Variants in SEMA3A observed in about 807,000 individuals in gnomAD.
The protein encoded by SEMA3A is semaphorin 3A, also known as semaphorin-3A.
SEMA3A carries 29 observed loss-of-function variants against 97.9 expected under a neutral mutation model. That is an observed-to-expected ratio of 0.30 (90% CI 0.22 to 0.40). SEMA3A has a LOEUF of 0.40. Ranked by LOEUF, SEMA3A falls within the 10% of genes least tolerant of loss-of-function variation. The pLI is 1.00. For missense variants in SEMA3A, 763 were observed against 951.3 expected (o/e 0.80, Z 2.60); for synonymous variants, 321 against 323.7 (o/e 0.99, Z 0.09).
chr7:84,031,000 T>TTG (rs1562984694), intron 6 of SEMA3A, among the ~76,000 whole-genome samples: 43 of 144,848 alleles, frequency 3.0e-4, no homozygotes, highest in African/African-American at 1.0e-3. Context: ...TTTTTTTTTT[T>TTG]TTTTTTTTTT....
At chr7:84,094,771 C>T (rs540769802) in intron 4 of SEMA3A, among the ~76,000 whole-genome samples, 1 of 152,090 alleles carries the variant, frequency 6.6e-6, no homozygotes, top group East Asian at 1.9e-4. Flanking sequence ...ATTAATTGCC[C>T]GTTGAAATAT....
At chr7:83,985,972 G>C (rs563298644) in intron 12 of SEMA3A, among the ~76,000 whole-genome samples, 2 of 152,318 alleles carry the variant, frequency 1.3e-5, no homozygotes, top group African/African-American at 4.8e-5. Context: ...AATAACTTGC[G>C]ATAAGCAGGA....
intron 4 of SEMA3A, 37 bp from the exon 5 acceptor site, chr7:84,060,595 TTA>T: frequency 7.2e-7 from 1 of 1,395,880 alleles, no homozygotes; most frequent in Non-Finnish European, 9.7e-7. Context: ...AGGGTTTCCT[TTA>T]TATATAAAAA....
At chr7:84,345,003 A>G (rs2116001592) in intron 2 of SEMA3A, among the ~76,000 whole-genome samples, 1 of 152,302 alleles carries the variant, frequency 6.6e-6, no homozygotes, top group East Asian at 1.9e-4. Flanking sequence ...CTATTTAAAC[A>G]GTGTCTAAAA....
intron 1 of SEMA3A, among the ~76,000 whole-genome samples, chr7:84,395,344 C>G (rs1803698304): frequency 7.4e-6 from 1 of 134,308 alleles, no homozygotes; most frequent in African/African-American, 3.2e-5. Context: ...AGATACAAAT[C>G]AAGAAACCCA....
At chr7:84,253,800 A>T (rs1367711995) in intron 3 of SEMA3A, among the ~76,000 whole-genome samples, 1 of 152,164 alleles carries the variant, frequency 6.6e-6, no homozygotes. Context: ...TCTGGGCAGC[A>T]TTAGGACCTG....
At position 84,229,978 on chromosome 7, in the gene SEMA3A, A is replaced by AC. The variant is rs578185073; in HGVS notation, c.-82-35311dup. 7.1e-3 allele frequency among the ~76,000 whole-genome samples: 1,070 copies of AC among 151,552 alleles called. 10 individuals carry two copies. The highest frequency in any genetic ancestry group is 9.6e-3 in the Non-Finnish European group (649 of 67,810). On this transcript the variant is annotated intron_variant, in intron 3 of 3. Transcript: ENST00000424555. ...ATTAACTGGGACTGGCTCTGATCTT[A>AC]CCCCCCCTTTACTCTACTCAGTTCT... is the stretch of plus-strand genomic sequence containing the variant.
chr7:84,460,634 T>A (rs566787883), intron 1 of SEMA3A, among the ~76,000 whole-genome samples: 1 of 152,360 alleles, frequency 6.6e-6, no homozygotes, highest in South Asian at 2.1e-4. Flanking sequence ...TGATTGTCCA[T>A]AACCTGGAAA....
chr7:83,990,011 T>C (rs1287808246), intron 12 of SEMA3A, among the ~76,000 whole-genome samples: 1 of 152,086 alleles, frequency 6.6e-6, no homozygotes, highest in Non-Finnish European at 1.5e-5. Context: ...ATTGTCATTC[T>C]AACTGGTGTG....
At chr7:84,021,692 G>T (rs1281575094) in intron 6 of SEMA3A, among the ~76,000 whole-genome samples, 1 of 151,658 alleles carries the variant, frequency 6.6e-6, no homozygotes, top group East Asian at 1.9e-4. Flanking sequence ...TTTCTTTCTT[G>T]CTAAGCATAA....
intron 1 of SEMA3A, among the ~76,000 whole-genome samples, chr7:84,481,154 G>C (rs1050650126): frequency 2.6e-5 from 4 of 152,080 alleles, no homozygotes; most frequent in Non-Finnish European, 4.4e-5. Flanking sequence ...AGCTCCAAAG[G>C]CTTCTAAGTA....
chr7:83,998,172 C>T (rs2116375331), intron 12 of SEMA3A, among the ~76,000 whole-genome samples: 1 of 151,798 alleles, frequency 6.6e-6, no homozygotes, highest in African/African-American at 2.4e-5. Context: ...GGGTTGATGA[C>T]AGAGATACAT....
At position 84,099,272 on chromosome 7, in the gene SEMA3A, G is replaced by A. The variant is rs975973584; in HGVS notation, c.453+11198C>T. 1.0e-4 allele frequency among the ~76,000 whole-genome samples: 6 copies of A among 59,752 alleles called. 2 individuals carry two copies. In the Admixed American group the frequency reaches 1.0e-3, roughly 10 times the overall value. The allele number at this position is 59,752 out of a possible 152,430, so 39.2% of individuals were successfully genotyped here. A position where few individuals can be genotyped will look rare whatever the true frequency, so the allele number is the denominator to read the frequency against. On this transcript the variant is annotated intron_variant, in intron 4 of 16. Coordinates refer to ENST00000265362, the MANE Select transcript of SEMA3A (RefSeq NM_006080.3). ...TTTTTAGTAGAGACGGTGTTTCACC[G>A]TGTTAGCCAGGATGGTCTCGATCTC...
At chr7:84,160,135 T>G (rs1263576981) in intron 1 of SEMA3A, among the ~76,000 whole-genome samples, 1 of 152,104 alleles carries the variant, frequency 6.6e-6, no homozygotes, top group Non-Finnish European at 1.5e-5. Context: ...GATTCCACAT[T>G]TATCCTCATT....
intron 3 of SEMA3A, among the ~76,000 whole-genome samples, chr7:84,217,306 T>C (rs560574606): frequency 6.6e-6 from 1 of 152,258 alleles, no homozygotes; most frequent in South Asian, 2.1e-4. Flanking sequence ...ATTTCCAGGA[T>C]AGAAGAAATC....
intron 1 of SEMA3A, among the ~76,000 whole-genome samples, chr7:84,142,857 G>C (rs752882837): frequency 7.9e-5 from 12 of 152,038 alleles, no homozygotes; most frequent in Non-Finnish European, 1.8e-4. Flanking sequence ...CTCAGAGTCC[G>C]CATGACTTAA....
At chr7:84,068,169 A>T (rs1476308733) in intron 4 of SEMA3A, among the ~76,000 whole-genome samples, 1 of 144,054 alleles carries the variant, frequency 6.9e-6, no homozygotes, top group African/African-American at 2.7e-5. Flanking sequence ...AAACTATCGC[A>T]AGAACAAAAA....
chr7:84,444,458 CAAAT>C (rs1177548042), intron 1 of SEMA3A, among the ~76,000 whole-genome samples: 1 of 151,872 alleles, frequency 6.6e-6, no homozygotes, highest in African/African-American at 2.4e-5. Flanking sequence ...AGAGCACAAA[CAAAT>C]TAATTTTTTT....
intron 6 of SEMA3A, among the ~76,000 whole-genome samples, chr7:84,014,742 G>A (rs1791027559): frequency 6.6e-6 from 1 of 151,830 alleles, no homozygotes; most frequent in Admixed American, 6.6e-5. Flanking sequence ...AATATTAATT[G>A]GTCTATTTCA....
Sources: allele counts gnomAD v4.1 joint callset (sites outside exome capture counted in the v4.1 genomes callset), GRCh38; gene constraint gnomAD v4.1.1; transcripts MANE v1.5; gene names NCBI Gene and HGNC (gene_info 2026-07-23, HGNC 2026-07-21).